DCLK1: variants seen among roughly 807,000 people sequenced by gnomAD.
The protein encoded by DCLK1 is doublecortin like kinase 1.
A neutral mutation model predicts 86.2 loss-of-function variants in DCLK1; 16 were observed. That is an observed-to-expected ratio of 0.19 (90% CI 0.13 to 0.28). The LOEUF (loss-of-function observed/expected upper bound fraction) is 0.28. DCLK1 is among the 10% of genes least tolerant of loss of function. DCLK1 has a pLI of 1.00. For missense variants in DCLK1, 590 were observed against 940.2 expected, an observed-to-expected ratio of 0.63 and a Z score of 4.87; for synonymous variants, 369 against 370.5, an observed-to-expected ratio of 1.00 and a Z score of 0.05.
chr13:35,864,945 C>G (rs1408184531), intron 5 of DCLK1, among the ~76,000 whole-genome samples: 1 of 152,060 alleles, frequency 6.6e-6, no homozygotes, highest in East Asian at 1.9e-4. Context: ...AGCCACCATG[C>G]CTGGCCCCAG....
chr13:35,951,853 T>C (rs1377795844), intron 3 of DCLK1, among the ~76,000 whole-genome samples: 1 of 152,164 alleles, frequency 6.6e-6, no homozygotes, highest in Admixed American at 6.5e-5. Flanking sequence ...TATCTTGAAA[T>C]GAGTCCTGTT....
chr13:35,901,840 G>A (rs934519067), intron 4 of DCLK1, among the ~76,000 whole-genome samples: 17 of 152,230 alleles, frequency 1.1e-4, no homozygotes, highest in Admixed American at 9.2e-4. Context: ...AGAAAGCTTG[G>A]GAATTGGGGA....
chr13:35,837,365 A>G (rs912146354), intron 7 of DCLK1, among the ~76,000 whole-genome samples: 2 of 152,084 alleles, frequency 1.3e-5, no homozygotes, highest in African/African-American at 4.8e-5. Context: ...ACCCCTTTAT[A>G]GGTGACATTT....
At chr13:35,823,024 A>G in intron 10 of DCLK1, 149 bp from the exon 11 acceptor site, 1 of 921,130 alleles carries the variant, frequency 1.1e-6, no homozygotes, top group Non-Finnish European at 1.6e-6. Flanking sequence ...TTCCTTTCAA[A>G]GGCTCGAAGG....
In DCLK1 at chr13:35,771,151, T is replaced by A. The variant is rs2086325915; in HGVS notation, c.*3384A>T. ...GAGACTTGGTCATATGGGAGCTCTG[T>A]GACCCTCTAAGCCAAATTTTCTTTT... On this transcript the variant is annotated 3_prime_UTR_variant, in exon 17 of 17. Transcript: ENST00000360631. 6.6e-6 allele frequency: 1 copy of A among 152,206 alleles called. No individual in the cohort carries two copies. The highest frequency in any genetic ancestry group is 2.4e-5 in the African/African-American group (1 of 41,444). The allele number at this position is 152,206 out of a possible 1,614,324, so 9.4% of individuals were successfully genotyped here.
At chr13:35,919,247 T>C (rs1446729396) in intron 4 of DCLK1, among the ~76,000 whole-genome samples, 1 of 152,164 alleles carries the variant, frequency 6.6e-6, no homozygotes, top group Non-Finnish European at 1.5e-5. Context: ...AAGTGCATTT[T>C]TTTTTCATTC....
chr13:36,083,565 A>C (rs1444934276), intron 3 of DCLK1, among the ~76,000 whole-genome samples: 1 of 152,232 alleles, frequency 6.6e-6, no homozygotes, highest in African/African-American at 2.4e-5. Flanking sequence ...ATGTGACTCA[A>C]AAAGATTGAA....
intron 3 of DCLK1, among the ~76,000 whole-genome samples, chr13:36,102,042 C>T (rs1350827983): frequency 2.0e-5 from 3 of 152,052 alleles, no homozygotes; most frequent in African/African-American, 7.3e-5. Context: ...CGCACCTGGC[C>T]GATAGTGAGG....
chr13:35,842,990 A>G (rs1869913054), intron 6 of DCLK1, among the ~76,000 whole-genome samples: 1 of 152,228 alleles, frequency 6.6e-6, no homozygotes, highest in African/African-American at 2.4e-5. Flanking sequence ...GATTTCGAAC[A>G]TAGTAAAGGC....
At chr13:35,787,351 A>T (rs1296533665) in intron 16 of DCLK1, among the ~76,000 whole-genome samples, 1 of 151,982 alleles carries the variant, frequency 6.6e-6, no homozygotes, top group Admixed American at 6.6e-5. Context: ...TAAGATGGCG[A>T]AAACAGCCTC....
intron 3 of DCLK1, among the ~76,000 whole-genome samples, chr13:36,058,912 G>A (rs553693435): frequency 2.0e-5 from 3 of 152,308 alleles, no homozygotes; most frequent in East Asian, 1.9e-4. Flanking sequence ...TCAGGAATAA[G>A]TTAGTAATGA....
At chr13:35,977,631 T>C (rs1879414409) in intron 3 of DCLK1, among the ~76,000 whole-genome samples, 1 of 152,092 alleles carries the variant, frequency 6.6e-6, no homozygotes. Flanking sequence ...GAATAATGAA[T>C]GAGGAAATTA....
chr13:35,805,141 G>C (rs1042875449), intron 15 of DCLK1, among the ~76,000 whole-genome samples: 1 of 152,172 alleles, frequency 6.6e-6, no homozygotes, highest in African/African-American at 2.4e-5. Flanking sequence ...AGCAGGTTGC[G>C]GGGTAGAAGA....
intron 14 of DCLK1, 51 bp from the exon 15 acceptor site, chr13:35,805,830 T>C (rs1422029582): frequency 6.5e-7 from 1 of 1,538,968 alleles, no homozygotes; most frequent in Non-Finnish European, 8.9e-7. Flanking sequence ...GGTGAAAAGC[T>C]GTATGTGTGC....
chr13:36,085,868 C>T (rs957005648), intron 3 of DCLK1, among the ~76,000 whole-genome samples: 3 of 152,088 alleles, frequency 2.0e-5, no homozygotes, highest in African/African-American at 4.8e-5. Context: ...CCTTTCTTGG[C>T]ATTCTGGCAA....
chr13:35,809,455 A>G (rs532620231), intron 12 of DCLK1, among the ~76,000 whole-genome samples: 1 of 152,282 alleles, frequency 6.6e-6, no homozygotes, highest in East Asian at 1.9e-4. Context: ...AATAATAATT[A>G]TTTCTAGAAC....
intron 4 of DCLK1, among the ~76,000 whole-genome samples, chr13:35,922,387 A>G (rs1875852159): frequency 6.6e-6 from 1 of 152,172 alleles, no homozygotes; most frequent in Non-Finnish European, 1.5e-5. Flanking sequence ...TGCCCTGCAC[A>G]CGGCATCAAG....
At chr13:35,862,354 C>T (rs1482145521) in intron 5 of DCLK1, among the ~76,000 whole-genome samples, 3 of 152,208 alleles carry the variant, frequency 2.0e-5, no homozygotes, top group African/African-American at 7.2e-5. Flanking sequence ...CTTCTTCTAG[C>T]CTCACATCCA....
rs1878973024 is a variant in DCLK1 at position 35,969,696 on chromosome 13, C to A, written c.724-22239G>T. Among the ~76,000 whole-genome samples the A allele has an allele frequency of 2.0e-5, 3 of 152,202 alleles. No homozygotes were observed. The South Asian group carries it at 6.2e-4, about 32-fold the overall frequency. Reference sequence around the variant, plus strand: ...AAACGCTGGCCCTCCACCCAACACACACTGACTCAGTTGTCAAAGGGGCAA... The same window carrying A: ...AAACGCTGGCCCTCCACCCAACACAAACTGACTCAGTTGTCAAAGGGGCAA... On this transcript the variant is annotated intron_variant, in intron 3 of 16. Coordinates refer to ENST00000360631, the MANE Select transcript of DCLK1 (RefSeq NM_001330071.2).
Sources: allele counts gnomAD v4.1 joint callset (sites outside exome capture counted in the v4.1 genomes callset), GRCh38; gene constraint gnomAD v4.1.1; transcripts MANE v1.5; gene names NCBI Gene and HGNC (gene_info 2026-07-23, HGNC 2026-07-21).